The following DNAH7 variants were observed in gnomAD, a reference collection of about 807,000 sequenced individuals.
DNAH7 encodes dynein axonemal heavy chain 7, also known as axonemal beta dynein heavy chain 7.
In DNAH7, 397 loss-of-function variants were observed where a neutral mutation model predicts 444.6. The observed-to-expected ratio is 0.89, with a 90% confidence interval of 0.82 to 0.97. DNAH7 has a LOEUF of 0.97. Ranked by LOEUF, DNAH7 falls within the 50% of genes least tolerant of loss-of-function variation. The pLI is 0.00. For synonymous variants in DNAH7, 1,636 were observed against 1,624.4 expected (o/e 1.01, Z -0.17); for missense variants, 4,902 against 4,800.8 (o/e 1.02, Z -0.62).
At chr2:195,888,522 C>A in intron 32 of DNAH7, 88 bp from the exon 33 acceptor site, 1 of 1,347,010 alleles carries the variant, frequency 7.4e-7, no homozygotes, top group South Asian at 1.5e-5. Context: ...TAACCTTCAG[C>A]AAAGTCTTGG....
At chr2:196,023,255 T>C (rs1263613351) in intron 8 of DNAH7, among the ~76,000 whole-genome samples, 7 of 152,074 alleles carry the variant, frequency 4.6e-5, no homozygotes, top group Non-Finnish European at 1.0e-4. Context: ...GCTCCCATTT[T>C]GCCTTCTGCC....
chr2:196,029,198 C>T (rs1695878015), intron 5 of DNAH7, among the ~76,000 whole-genome samples: 1 of 152,144 alleles, frequency 6.6e-6, no homozygotes, highest in Non-Finnish European at 1.5e-5. Context: ...TTTCAGGAAT[C>T]AGGAAATCTG....
chr2:195,902,112 T>A (rs1686747640), intron 27 of DNAH7: 1 of 152,138 alleles, frequency 6.6e-6, no homozygotes, highest in African/African-American at 2.4e-5. Flanking sequence ...GGGAATTAGT[T>A]GAATTACCAA....
rs527896031 is a variant in DNAH7, at chr2:195,771,635, T to G, written c.11433+25A>C. ...AATGCTATATATAATTTAATGGGGG[T>G]TTTTTTTGGTGTTTTTCACCTTACC... On this transcript the variant is annotated intron_variant, in intron 61 of 64. Transcript: ENST00000312428. 2.1e-4 allele frequency: 306 copies of G among 1,456,140 alleles called. 3 individuals carry two copies. In the South Asian group the frequency reaches 2.9e-3, roughly 14 times the overall value. The allele number at this position is 1,456,140 out of a possible 1,614,324, so 90.2% of individuals were successfully genotyped here. A position where few individuals can be genotyped will look rare whatever the true frequency, so the allele number is the denominator to read the frequency against.
At chr2:195,853,170 T>C (rs1343318668) in intron 46 of DNAH7, among the ~76,000 whole-genome samples, 173 bp downstream of exon 46, 1 of 152,240 alleles carries the variant, frequency 6.6e-6, no homozygotes, top group Non-Finnish European at 1.5e-5. Context: ...ATGCATCTTT[T>C]GGCTAACCAG....
chr2:195,786,301 A>G (rs1327371867), intron 58 of DNAH7, among the ~76,000 whole-genome samples: 3 of 152,374 alleles, frequency 2.0e-5, no homozygotes, highest in East Asian at 3.9e-4. Context: ...TTTGAACAAA[A>G]TTGTCAAAAC....
intron 63 of DNAH7, among the ~76,000 whole-genome samples, chr2:195,753,330 G>A (rs772836886): frequency 6.6e-6 from 1 of 152,180 alleles, no homozygotes; most frequent in African/African-American, 2.4e-5. Context: ...GGGAATAGTA[G>A]TGGGATTGCT....
Position 195,857,734 on chromosome 2 carries a change from C to A in DNAH7, c.8068-11G>T, listed in dbSNP as rs1305068118. On this transcript the variant is annotated splice_polypyrimidine_tract_variant and intron_variant, in intron 43 of 64. Transcript: ENST00000312428. ...TACCACTGTAATATCCTTGAAATAA[C>A]AACGTTAATTATTTTAAAAGACATG... is the stretch of plus-strand genomic sequence containing the variant. The A allele has an allele frequency of 6.4e-7, 1 of 1,558,556 alleles. No individual in the cohort carries two copies. The highest frequency in any genetic ancestry group is 2.0e-5 in the Admixed American group (1 of 48,962).
At chr2:195,938,443 A>G (rs1011907197) in intron 19 of DNAH7, among the ~76,000 whole-genome samples, 1 of 151,784 alleles carries the variant, frequency 6.6e-6, no homozygotes, top group African/African-American at 2.4e-5. Context: ...TATCAAAATA[A>G]TGTTCTTAGA....
chr2:195,850,615 C>T (rs1437898543), intron 46 of DNAH7, among the ~76,000 whole-genome samples: 1 of 152,158 alleles, frequency 6.6e-6, no homozygotes, highest in Non-Finnish European at 1.5e-5. Flanking sequence ...GACGACTACT[C>T]AGATTCAAGC....
chr2:196,001,664 A>C lies in DNAH7; in HGVS notation c.1173+11T>G. 6.5e-7 allele frequency: 1 copy of C among 1,533,032 alleles called. No individual in the cohort carries two copies. Among genetic ancestry groups the C allele is most frequent in the Non-Finnish European group, 8.8e-7 (1 of 1,140,442 alleles). 95.0% of individuals were successfully genotyped at this position (1,533,032 alleles called of 1,614,324 possible). On this transcript the variant is annotated intron_variant, in intron 11 of 64. Transcript: ENST00000312428. ...TTGTAAATACATATTGGTGAACTGA[A>C]CCATACTTACTGGGGGTTGTGCAAT...
intron 21 of DNAH7, among the ~76,000 whole-genome samples, chr2:195,930,073 G>A (rs559234841): frequency 1.3e-3 from 193 of 152,226 alleles, no homozygotes; most frequent in African/African-American, 4.6e-3. Context: ...GGCCAGGTGC[G>A]CTGGCTCACG....
chr2:195,884,888 G>A, intron 34 of DNAH7, 79 bp from the exon 35 acceptor site: 1 of 1,165,714 alleles, frequency 8.6e-7, no homozygotes, highest in Middle Eastern at 2.9e-4. Context: ...TATCAGATCA[G>A]CCAGATTAGT....
rs1398415806 is a variant in DNAH7 at position 195,988,239 on chromosome 2, G to A, written c.1354-10C>T. ...GTTTAGACTTACTTTCCTAAACAAG[G>A]GGGTAAAAATAATAGTATTTAAAAT... On this transcript the variant is annotated splice_polypyrimidine_tract_variant and intron_variant, in intron 12 of 64. Coordinates refer to ENST00000312428, the MANE Select transcript of DNAH7 (RefSeq NM_018897.3). 1.3e-6 allele frequency: 2 copies of A among 1,578,240 alleles called. No individual in the cohort carries two copies. The highest frequency in any genetic ancestry group is 1.7e-6 in the Non-Finnish European group (2 of 1,167,426).
chr2:195,740,456 A>G (rs1692930814), intron 64 of DNAH7, among the ~76,000 whole-genome samples: 1 of 152,114 alleles, frequency 6.6e-6, no homozygotes. Flanking sequence ...TCAGCTAACA[A>G]AAATGTTGTG....
chr2:195,781,516 T>C (rs913485707), intron 58 of DNAH7, among the ~76,000 whole-genome samples: 1 of 152,100 alleles, frequency 6.6e-6, no homozygotes, highest in East Asian at 1.9e-4. Context: ...TTTCTAGAAA[T>C]AGTGGCAGTT....
At chr2:195,974,703 A>C (rs1692065345) in intron 15 of DNAH7, among the ~76,000 whole-genome samples, 2 of 151,416 alleles carry the variant, frequency 1.3e-5, no homozygotes, top group Admixed American at 1.3e-4. Context: ...TCCAACAATA[A>C]TATAAAATAT....
At chr2:195,762,229 A>G (rs1252847393) in intron 61 of DNAH7, among the ~76,000 whole-genome samples, 1 of 152,192 alleles carries the variant, frequency 6.6e-6, no homozygotes, top group Non-Finnish European at 1.5e-5. Context: ...GTAACCTCAA[A>G]TCAAAAAACA....
chr2:196,002,770 G>A (rs918908246), intron 10 of DNAH7, among the ~76,000 whole-genome samples: 7 of 152,122 alleles, frequency 4.6e-5, no homozygotes, highest in African/African-American at 1.4e-4. Flanking sequence ...CACTTTGGGA[G>A]GCCAAGGTGG....
Sources: gnomAD v4.1 joint callset for allele counts (sites outside exome capture counted in the v4.1 genomes callset) on GRCh38, gnomAD v4.1.1 for gene constraint, MANE v1.5 for transcripts, NCBI Gene and HGNC (gene_info 2026-07-23, HGNC 2026-07-21) for gene names.